Variants in RBM6 observed in about 807,000 individuals in gnomAD.
RBM6 encodes the protein RNA binding motif protein 6.
In RBM6, 23 loss-of-function variants were observed where a neutral mutation model predicts 140.4. The observed-to-expected ratio is 0.16, with a 90% confidence interval of 0.12 to 0.23. RBM6 has a LOEUF of 0.23. Among genes scored for constraint, RBM6 ranks in the 10% least tolerant of loss-of-function variants. The pLI, the probability that RBM6 is intolerant of heterozygous loss-of-function variation, is 1.00. For synonymous variants in RBM6, 439 were observed against 475.6 expected (o/e 0.92, Z 1.00); for missense variants, 1,139 against 1,386.7 (o/e 0.82, Z 2.84).
intron 5 of RBM6, among the ~76,000 whole-genome samples, chr3:49,978,019 GAGAAAGGGTCTTACTCTGTTGCCC>G (rs1028159766): frequency 6.6e-6 from 1 of 152,042 alleles, no homozygotes; most frequent in African/African-American, 2.4e-5. Context: ...TTTTTTATAA[GAGAAAGGGTCTTACTCTGTTGCCC>G]AGGTTGGAGT....
intron 2 of RBM6, 108 bp downstream of exon 2, chr3:49,962,793 TG>T: frequency 8.2e-7 from 1 of 1,218,854 alleles, no homozygotes; most frequent in Non-Finnish European, 1.1e-6. Context: ...AAATAGTTTC[TG>T]ATTTTTTAAA....
At chr3:50,038,061 A>G (rs112634398) in intron 6 of RBM6, among the ~76,000 whole-genome samples, 4,513 of 152,038 alleles carry the variant, frequency 0.03, 94 homozygotes, top group Non-Finnish European at 0.05. Context: ...ACCTCAGGTG[A>G]TCCACCCGCC....
At chr3:50,076,157 CAG>C (rs2090452633) in intron 20 of RBM6, among the ~76,000 whole-genome samples, 2 of 151,806 alleles carry the variant, frequency 1.3e-5, no homozygotes, top group Non-Finnish European at 2.9e-5. Context: ...TTAGTAGAGA[CAG>C]AGTTTTGCCA....
intron 6 of RBM6, among the ~76,000 whole-genome samples, chr3:50,019,691 C>T (rs150597809): frequency 3.3e-5 from 5 of 152,072 alleles, no homozygotes; most frequent in Non-Finnish European, 7.4e-5. Flanking sequence ...TTGTCTTGTT[C>T]CTGATGTTAG....
intron 1 of RBM6, among the ~76,000 whole-genome samples, chr3:49,955,297 A>G (rs1293556366): frequency 6.7e-6 from 1 of 148,368 alleles, no homozygotes; most frequent in Non-Finnish European, 1.5e-5. Flanking sequence ...CAACCTCTGC[A>G]GTATTTGGGA....
rs1371340142 is a variant in RBM6, at chr3:49,967,716, G to T, written c.291G>T (p.Gly97=). Reference sequence around the variant, plus strand: ...AGGGACCTGGACATGATTTCAGGGGGGGAGATTTTTCGTCTTCTGATTTCC... The same window carrying T: ...AGGGACCTGGACATGATTTCAGGGGTGGAGATTTTTCGTCTTCTGATTTCC... ...GGEGPGHDFR[G]GDFSSSDFQS... is the part of the protein sequence containing the mutation. The change falls in exon 3 of 21, where the codon GGG becomes GGT. Residue 97 remains glycine, a synonymous_variant. Transcript: ENST00000266022. This position sits in a 1 kb window ranked among gnomAD's most constrained non-coding sequence, Gnocchi z 4.0. 2 of 1,613,986 alleles carry T rather than the reference G, an allele frequency of 1.2e-6. No individual in the cohort carries two copies. Among genetic ancestry groups the T allele is most frequent in the Non-Finnish European group, 1.7e-6 (2 of 1,180,046 alleles).
In RBM6 at chr3:49,994,679, T is replaced by G. The variant is rs201598773; in HGVS notation, c.1484-4761T>G. Among the ~76,000 whole-genome samples, 8 of 151,992 alleles carry G rather than the reference T, an allele frequency of 5.3e-5. No homozygotes were observed. In the East Asian group the frequency reaches 1.4e-3, roughly 26 times the overall value. ...AGAAAAAGGCTGTGGGGTGTGTGTGTGTGTGTGTGTGTGTGTTTTCCTCTC... is the reference window on the plus strand; with the variant it reads ...AGAAAAAGGCTGTGGGGTGTGTGTGGGTGTGTGTGTGTGTGTTTTCCTCTC... On this transcript the variant is annotated intron_variant, in intron 5 of 20. Transcript: ENST00000266022.
chr3:50,065,153 C>A, intron 16 of RBM6, 27 bp downstream of exon 16: 1 of 1,550,912 alleles, frequency 6.4e-7, no homozygotes, highest in Non-Finnish European at 8.8e-7. Flanking sequence ...TCCCCTGGAC[C>A]TAGGGCTGGG....
chr3:49,950,379 G>A (rs1274282470), intron 1 of RBM6, among the ~76,000 whole-genome samples: 1 of 152,176 alleles, frequency 6.6e-6, no homozygotes, highest in Non-Finnish European at 1.5e-5. Context: ...TATTGGTACT[G>A]TGCTGCTAGA....
intron 5 of RBM6, among the ~76,000 whole-genome samples, chr3:49,983,738 A>T (rs1160360234): frequency 2.0e-5 from 3 of 152,086 alleles, no homozygotes; most frequent in South Asian, 2.1e-4. Context: ...TTCGGGGAGG[A>T]TGTGGCAGTT....
intron 5 of RBM6, among the ~76,000 whole-genome samples, chr3:49,982,263 T>TTTC (rs1491330102): frequency 9.7e-6 from 1 of 102,794 alleles, no homozygotes; most frequent in African/African-American, 4.8e-5. Context: ...TTTTCTTTTC[T>TTTC]TTTTTTTTTT....
intron 3 of RBM6, among the ~76,000 whole-genome samples, chr3:49,971,660 C>T (rs2084800949): frequency 1.3e-5 from 2 of 152,184 alleles, no homozygotes; most frequent in Non-Finnish European, 1.5e-5. Flanking sequence ...GCCTCAGCCT[C>T]CTGAGTAGCT....
intron 17 of RBM6, among the ~76,000 whole-genome samples, chr3:50,066,715 C>T (rs949711988): frequency 6.6e-6 from 1 of 152,098 alleles, no homozygotes; most frequent in African/African-American, 2.4e-5. Flanking sequence ...GTAGTCCCAG[C>T]CACTCGGGAG....
intron 6 of RBM6, among the ~76,000 whole-genome samples, chr3:50,021,788 T>C (rs1198455883): frequency 2.9e-5 from 4 of 136,832 alleles, no homozygotes. Context: ...AGTCTCACTT[T>C]GTTGCCCAGG....
intron 3 of RBM6, 90 bp downstream of exon 3, chr3:49,968,838 T>G (rs2084640774): frequency 2.2e-6 from 3 of 1,381,188 alleles, no homozygotes; most frequent in Non-Finnish European, 9.5e-7. Flanking sequence ...TGGAGTGCAG[T>G]GGTGCGATCT....
chr3:49,953,785 G>C (rs1055868264), intron 1 of RBM6, among the ~76,000 whole-genome samples: 1 of 151,976 alleles, frequency 6.6e-6, no homozygotes, highest in Non-Finnish European at 1.5e-5. Context: ...CTCCCAAAGT[G>C]CTGGGGTTAC....
intron 6 of RBM6, among the ~76,000 whole-genome samples, chr3:50,004,518 C>T (rs1235770763): frequency 7.1e-6 from 1 of 140,470 alleles, no homozygotes. Context: ...TTGCAACATT[C>T]CCCAGGCTGG....
intron 7 of RBM6, 52 bp from the exon 8 acceptor site, chr3:50,054,283 A>G (rs1002788608): frequency 1.4e-6 from 2 of 1,459,106 alleles, no homozygotes; most frequent in East Asian, 2.3e-5. Flanking sequence ...TTAGATATAC[A>G]TAAGATTTTT....
At chr3:50,057,587 C>CAAAAA (rs4030422) in intron 8 of RBM6, 141 bp from the exon 9 acceptor site, 278 of 218,714 alleles carry the variant, frequency 1.3e-3, no homozygotes, top group South Asian at 2.4e-3. Context: ...AACTCCGTCT[C>CAAAAA]AAAAAAAAAA....
Sources: gnomAD v4.1 joint callset for allele counts (sites outside exome capture counted in the v4.1 genomes callset) on GRCh38, gnomAD v4.1.1 for gene constraint, Gnocchi (gnomAD v3.1) non-coding constraint, MANE v1.5 for transcripts, NCBI Gene and HGNC (gene_info 2026-07-23, HGNC 2026-07-21) for gene names.